The following RGL3 variants were observed in gnomAD, a reference collection of about 807,000 sequenced individuals.
RGL3 encodes ral guanine nucleotide dissociation stimulator-like 3.
A neutral mutation model predicts 90.6 loss-of-function variants in RGL3; 85 were observed. The ratio of observed to expected loss-of-function variants is 0.94; its 90% CI spans 0.79 to 1.12. The LOEUF is 1.12. Among genes scored for constraint, RGL3 ranks in the 50% most tolerant of loss-of-function variants. The pLI is 0.00. For missense variants in RGL3, 1,034 were observed against 939.2 expected, an observed-to-expected ratio of 1.10 and a Z score of -1.32; for synonymous variants, 408 against 385.5, an observed-to-expected ratio of 1.06 and a Z score of -0.68.
intron 5 of RGL3, among the ~76,000 whole-genome samples, chr19:11,414,422 TATATATATACCTTC>T (rs1968943290): frequency 8.0e-6 from 1 of 124,334 alleles, no homozygotes; most frequent in Non-Finnish European, 1.6e-5. Flanking sequence ...TATACCTTTA[TATATATATACCTTC>T]ATATATATAC....
In RGL3 at chr19:11,414,165, A is replaced by ATATATACACACC. The variant is rs1568341499; in HGVS notation, c.637+1771_637+1772insGGTGTGTATATA. Among the ~76,000 whole-genome samples the ATATATACACACC allele has an allele frequency of 6.3e-5, 7 of 111,232 alleles. 1 individual carries two copies. Among genetic ancestry groups the ATATATACACACC allele is most frequent in the East Asian group, 5.6e-4 (2 of 3,578 alleles). 73.0% of individuals were successfully genotyped at this position (111,232 alleles called of 152,430 possible). A position where few individuals can be genotyped will look rare whatever the true frequency, so the allele number is the denominator to read the frequency against. Reference sequence around the variant, plus strand: ...TATATATATATATATATATATATATATATATATATATACACCTATATATAT... The same window carrying ATATATACACACC: ...TATATATATATATATATATATATATATATATACACACCTATATATATATACACCTATATATAT... On this transcript the variant is annotated intron_variant, in intron 5 of 18. Transcript: ENST00000380456.
Position 11,406,630 on chromosome 19 carries a change from A to G in RGL3, c.785T>C (p.Leu262Pro), listed in dbSNP as rs1968786818. 6.4e-7 allele frequency: 1 copy of G among 1,562,162 alleles called. No homozygotes were observed. Among genetic ancestry groups the G allele is most frequent in the Admixed American group, 1.9e-5 (1 of 51,796 alleles). The change falls in exon 7 of 19, where the codon CTC (leucine) becomes CCC (proline). Residue 262 changes from leucine to proline, a missense_variant. Transcript: ENST00000380456. Reference sequence around the variant, plus strand: ...CTCGTAGAGCCTCACCTTGGAGAAGAGCTCCTGGGCCAGGGGAGGGGTGTG... The same window carrying G: ...CTCGTAGAGCCTCACCTTGGAGAAGGGCTCCTGGGCCAGGGGAGGGGTGTG... Reference protein sequence around the residue: ...AEQLTLIDLELFSKVRLYECL... With the variant: ...AEQLTLIDLEPFSKVRLYECL...
chr19:11,414,134 CATATATATATATATATATAT>C (rs56098998), intron 5 of RGL3, among the ~76,000 whole-genome samples: 6,848 of 30,412 alleles, frequency 0.23, 683 homozygotes, highest in East Asian at 0.48. Context: ...CTGGAGAAAT[CATATATATATATATATATAT>C]ATATATATAT....
At chr19:11,407,237 T>C (rs921486071) in intron 5 of RGL3, among the ~76,000 whole-genome samples, 1 of 151,982 alleles carries the variant, frequency 6.6e-6, no homozygotes, top group Non-Finnish European at 1.5e-5. Flanking sequence ...CTGCCCGCCT[T>C]GGCCTCCCAA....
At position 11,397,474 on chromosome 19, in the gene RGL3, C is replaced by A; in HGVS notation, c.1870G>T (p.Asp624Tyr). The change falls in exon 17 of 19, where the codon GAC becomes TAC. Residue 624 changes from aspartate (D) to tyrosine (Y), a missense_variant. Transcript: ENST00000380456. ...ARVIRVSIDN[D>Y]HGNLYRSILL... The stretch of plus-strand genomic sequence containing the variant: ...ATGCTTCGATACAGGTTCCCGTGGT[C>A]ATTGTCGATGCTGACGCGGATGACA... 1 of 1,612,742 alleles carries A rather than the reference C, an allele frequency of 6.2e-7. No homozygotes were observed. Among genetic ancestry groups the A allele is most frequent in the Non-Finnish European group, 8.5e-7 (1 of 1,179,294 alleles).
chr19:11,413,031 AG>A (rs1454207876), intron 5 of RGL3, among the ~76,000 whole-genome samples: 4 of 152,080 alleles, frequency 2.6e-5, no homozygotes, highest in African/African-American at 9.7e-5. Flanking sequence ...CCCAGGGCCT[AG>A]CACATAGAAG....
chr19:11,405,348 T>C lies in RGL3; in HGVS notation c.1075A>G (p.Lys359Glu). Residue 359 changes from lysine (K) to glutamate (E), a missense_variant, in exon 8 of 19, where the codon AAG (lysine) becomes GAG (glutamate). Coordinates refer to ENST00000380456, the MANE Select transcript of RGL3 (RefSeq NM_001035223.4). Reference sequence around the variant, plus strand: ...CGGCTCACTGCCCCCCAGCTGCGCTTGAGCCGGTAGATGGGGTTAGATTGC... The same window carrying C: ...CGGCTCACTGCCCCCCAGCTGCGCTCGAGCCGGTAGATGGGGTTAGATTGC... ...ALQSNPIYRL[K>E]RSWGAVSREP... The C allele has an allele frequency of 6.2e-7, 1 of 1,613,104 alleles. No homozygotes were observed. The highest frequency in any genetic ancestry group is 8.5e-7 in the Non-Finnish European group (1 of 1,179,634).
chr19:11,412,095 C>T (rs1212739459), intron 5 of RGL3, among the ~76,000 whole-genome samples: 2 of 151,982 alleles, frequency 1.3e-5, no homozygotes, highest in Non-Finnish European at 2.9e-5. Flanking sequence ...GCCTGACAAA[C>T]ATGGAGAAAC....
chr19:11,415,328 C>G (rs1245487996), intron 5 of RGL3, among the ~76,000 whole-genome samples: 1 of 151,716 alleles, frequency 6.6e-6, no homozygotes, highest in Non-Finnish European at 1.5e-5. Flanking sequence ...GCACTCCAGC[C>G]TGAGCAACGG....
chr19:11,409,733 G>A lies in RGL3; in HGVS notation c.638-2869C>T, dbSNP rs544586996. Among the ~76,000 whole-genome samples the A allele has an allele frequency of 9.8e-4, 149 of 152,234 alleles. 3 individuals carry two copies. The South Asian group carries it at 0.027, about 27-fold the overall frequency. Reference sequence around the variant, plus strand: ...TTGCCTCACCAGTGCCCTCCTGTGCGTTCGTTGGTGCTTGTTGCTGTCAGT... The same window carrying A: ...TTGCCTCACCAGTGCCCTCCTGTGCATTCGTTGGTGCTTGTTGCTGTCAGT... On this transcript the variant is annotated intron_variant, in intron 5 of 18. Transcript: ENST00000380456.
intron 5 of RGL3, among the ~76,000 whole-genome samples, chr19:11,407,549 T>C (rs1264144028): frequency 2.6e-5 from 4 of 152,020 alleles, no homozygotes; most frequent in African/African-American, 7.2e-5. Context: ...TAGGATAAGA[T>C]TAATCTGACC....
intron 1 of RGL3, 66 bp from the exon 2 acceptor site, chr19:11,418,850 CGCTCG>C: frequency 7.6e-7 from 1 of 1,310,364 alleles, no homozygotes; most frequent in Admixed American, 2.5e-5. Flanking sequence ...CCTCCTTGGC[CGCTCG>C]GACTCGGGCC....
chr19:11,417,488 T>TTTTTTA (rs1969024609), intron 2 of RGL3, among the ~76,000 whole-genome samples: 1 of 148,044 alleles, frequency 6.8e-6, no homozygotes, highest in African/African-American at 2.5e-5. Context: ...TTTTTTTTTT[T>TTTTTTA]GAGACAGAAT....
Position 11,405,376 on chromosome 19 carries a change from G to A in RGL3, c.1047C>T (p.Ala349=). Residue 349 remains alanine (A), a synonymous_variant, in exon 8 of 19, where the codon GCC becomes GCT. Transcript: ENST00000380456. ...GCCGGTAGATGGGGTTAGATTGCAG[G>A]GCGGACAGGATGGCGCGCAAGGAGG... ...NFSSLRAILS[A]LQSNPIYRLK... The A allele has an allele frequency of 6.2e-7, 1 of 1,611,238 alleles. No homozygotes were observed. The highest frequency in any genetic ancestry group is 8.5e-7 in the Non-Finnish European group (1 of 1,178,870).
rs538107272 is a variant in RGL3, at chr19:11,417,618, C to T, written c.148-559G>A. On this transcript the variant is annotated intron_variant, in intron 2 of 18. Coordinates refer to ENST00000380456, the MANE Select transcript of RGL3 (RefSeq NM_001035223.4). ...CCAAGTATCTGGGATTACAGGCACC[C>T]GCCACCAAGCCCAGCTAGTTTTTTC... 5.3e-5 allele frequency among the ~76,000 whole-genome samples: 8 copies of T among 151,972 alleles called. No homozygotes were observed. The South Asian group carries it at 1.2e-3, about 24-fold the overall frequency.
chr19:11,405,936 C>T (rs934587516), intron 7 of RGL3, among the ~76,000 whole-genome samples: 26 of 150,258 alleles, frequency 1.7e-4, no homozygotes, highest in African/African-American at 6.4e-4. Context: ...CACTATGTTG[C>T]CTAGGCTGGT....
chr19:11,406,654 T>C lies in RGL3; in HGVS notation c.781-20A>G. The C allele has an allele frequency of 6.3e-7, 1 of 1,585,970 alleles. No individual in the cohort carries two copies. The highest frequency in any genetic ancestry group is 8.6e-7 in the Non-Finnish European group (1 of 1,165,852). ...GAGCTCCTGGGCCAGGGGAGGGGTG[T>C]GGGATTGGTGCTTAGCAGAACCTGT... On this transcript the variant is annotated intron_variant, in intron 6 of 18. Transcript: ENST00000380456.
Position 11,418,678 on chromosome 19 carries a change from C to T in RGL3, c.140G>A (p.Gly47Asp), listed in dbSNP as rs560255401. 15 of 1,550,472 alleles carry T rather than the reference C, an allele frequency of 9.7e-6. No individual in the cohort carries two copies. The highest frequency in any genetic ancestry group is 2.4e-5 in the East Asian group (1 of 42,198). ...QRRSPAEGPG[G>D]SQAPSPIANT... ...ACCAAACCCCCTCCTCACCTGGCTG[C>T]CCCCGGGGCCCTCCGCCGGGCTCCT... The change falls in exon 2 of 19, where the codon GGC (glycine) becomes GAC (aspartate). Residue 47 changes from glycine to aspartate, a missense_variant. Coordinates refer to ENST00000380456, the MANE Select transcript of RGL3 (RefSeq NM_001035223.4).
chr19:11,416,136 T>C lies in RGL3; in HGVS notation c.438A>G (p.Ser146=), dbSNP rs1233063527. The C allele has an allele frequency of 1.3e-6, 2 of 1,574,678 alleles. No homozygotes were observed. The highest frequency in any genetic ancestry group is 1.7e-6 in the Non-Finnish European group (2 of 1,162,110). The change falls in exon 5 of 19, where the codon TCA becomes TCG. Residue 146 remains serine (S), a synonymous_variant. Transcript: ENST00000380456. The part of the protein sequence containing the change: ...SFNKNLRAVV[S]VLGSWLQDHP... ...GGTCCTGCAGCCAGGAGCCCAGCAC[T>C]GACACCACAGCCCTGGCCAGAGAGG...
Sources: gnomAD v4.1 joint callset for allele counts (sites outside exome capture counted in the v4.1 genomes callset) on GRCh38, gnomAD v4.1.1 for gene constraint, MANE v1.5 for transcripts, NCBI Gene and HGNC (gene_info 2026-07-23, HGNC 2026-07-21) for gene names.